Variants in HS6ST3 observed in about 807,000 individuals in gnomAD.
HS6ST3 encodes heparan-sulfate 6-O-sulfotransferase 3.
Under a neutral mutation model 36.7 loss-of-function variants are expected in HS6ST3, and 12 were observed. The ratio of observed to expected loss-of-function variants is 0.33; its 90% CI spans 0.21 to 0.53. The LOEUF (loss-of-function observed/expected upper bound fraction) is 0.53, where lower values mean the gene tolerates loss of function less well. HS6ST3 is among the 20% of genes least tolerant of loss of function. The probability of loss-of-function intolerance (pLI) is 0.95; values close to 1 mark genes in which losing one functional copy is unlikely to be tolerated. For synonymous variants in HS6ST3, 240 were observed against 257.5 expected (o/e 0.93, Z 0.65); for missense variants, 584 against 640.9 (o/e 0.91, Z 0.96).
At chr13:96,765,588 TTCTC>T (rs58979172) in intron 1 of HS6ST3, among the ~76,000 whole-genome samples, 7,553 of 142,568 alleles carry the variant, frequency 0.053, 282 homozygotes, top group Admixed American at 0.094. Flanking sequence ...CTCTCTCTCT[TTCTC>T]TCTCTCTCTC....
At chr13:96,686,749 C>T (rs1027979924) in intron 1 of HS6ST3, among the ~76,000 whole-genome samples, 5 of 151,960 alleles carry the variant, frequency 3.3e-5, no homozygotes, top group African/African-American at 7.2e-5. Flanking sequence ...GTAACATTCT[C>T]GCTGTGGGGC....
At chr13:96,303,938 T>G (rs2054895920) in intron 1 of HS6ST3, among the ~76,000 whole-genome samples, 1 of 151,878 alleles carries the variant, frequency 6.6e-6, no homozygotes, top group African/African-American at 2.4e-5. Flanking sequence ...AGGTCAGGAG[T>G]TCGAGACCAG....
chr13:96,095,063 A>G (rs1304521378), intron 1 of HS6ST3, among the ~76,000 whole-genome samples: 1 of 152,158 alleles, frequency 6.6e-6, no homozygotes, highest in Non-Finnish European at 1.5e-5. Context: ...CTAGTCCCAC[A>G]TTTTTCATGG....
chr13:96,680,509 G>A (rs2056714812), intron 1 of HS6ST3, among the ~76,000 whole-genome samples: 1 of 152,066 alleles, frequency 6.6e-6, no homozygotes, highest in South Asian at 2.1e-4. Flanking sequence ...TCCAATCGGG[G>A]GTTAGAGGGA....
rs1386384932 is a variant in HS6ST3, at chr13:96,118,669, T to C, written c.707+27100T>C. On this transcript the variant is annotated intron_variant, in intron 1 of 1. Coordinates refer to ENST00000376705, the MANE Select transcript of HS6ST3 (RefSeq NM_153456.4). ...AGATATATATATATATATATATATA[T>C]ATATATATATATATATATATTTTTT... Among the ~76,000 whole-genome samples the C allele has an allele frequency of 3.9e-4, 6 of 15,468 alleles. 1 individual carries two copies. The highest frequency in any genetic ancestry group is 1.6e-3 in the African/African-American group (6 of 3,776). The allele number at this position is 15,468 out of a possible 152,430, so 10.1% of individuals were successfully genotyped here.
chr13:96,750,269 G>C (rs1419345992), intron 1 of HS6ST3, among the ~76,000 whole-genome samples: 1 of 152,168 alleles, frequency 6.6e-6, no homozygotes, highest in Non-Finnish European at 1.5e-5. Flanking sequence ...CTTTGGATAG[G>C]CTGCTTAGGT....
At chr13:96,362,847 T>G (rs2055245044) in intron 1 of HS6ST3, among the ~76,000 whole-genome samples, 1 of 152,176 alleles carries the variant, frequency 6.6e-6, no homozygotes, top group South Asian at 2.1e-4. Context: ...TGCAACAAAT[T>G]TGATGAATTT....
intron 1 of HS6ST3, among the ~76,000 whole-genome samples, chr13:96,673,588 C>G (rs1467496020): frequency 6.6e-6 from 1 of 151,922 alleles, no homozygotes; most frequent in Admixed American, 6.6e-5. Flanking sequence ...TATATTTTCC[C>G]TGTTCTCTTT....
At chr13:96,615,419 G>A (rs1374209354) in intron 1 of HS6ST3, among the ~76,000 whole-genome samples, 1 of 152,210 alleles carries the variant, frequency 6.6e-6, no homozygotes, top group Admixed American at 6.5e-5. Flanking sequence ...CACCATGCAA[G>A]ATTGTTGATC....
chr13:96,773,053 G>A (rs948689269), intron 1 of HS6ST3, among the ~76,000 whole-genome samples: 63 of 152,290 alleles, frequency 4.1e-4, no homozygotes, highest in Non-Finnish European at 4.4e-5. Flanking sequence ...CACCCAGGAA[G>A]TGCAAGAGGT....
At chr13:96,289,845 G>A (rs1398151995) in intron 1 of HS6ST3, among the ~76,000 whole-genome samples, 2 of 147,804 alleles carry the variant, frequency 1.4e-5, no homozygotes, top group Non-Finnish European at 3.1e-5. Flanking sequence ...AGCTTTATCT[G>A]TGAGGTGCAA....
At chr13:96,436,959 G>A (rs1339987476) in intron 1 of HS6ST3, among the ~76,000 whole-genome samples, 1 of 118,104 alleles carries the variant, frequency 8.5e-6, no homozygotes, top group Non-Finnish European at 1.7e-5. Context: ...GCAGAAAAAG[G>A]GCCTCCATTT....
At chr13:96,351,966 A>G (rs1490208467) in intron 1 of HS6ST3, among the ~76,000 whole-genome samples, 1 of 152,210 alleles carries the variant, frequency 6.6e-6, no homozygotes, top group Admixed American at 6.5e-5. Context: ...TAGAACAGCA[A>G]CACAAATAAT....
intron 1 of HS6ST3, among the ~76,000 whole-genome samples, chr13:96,781,088 A>G (rs1877514400): frequency 6.6e-6 from 1 of 152,216 alleles, no homozygotes; most frequent in African/African-American, 2.4e-5. Context: ...TCTAACTATG[A>G]AGACGCTCAT....
chr13:96,462,444 T>C (rs2055789404), intron 1 of HS6ST3, among the ~76,000 whole-genome samples: 2 of 152,242 alleles, frequency 1.3e-5, no homozygotes, highest in African/African-American at 2.4e-5. Context: ...GAATAATTTG[T>C]GGCGAACTAG....
chr13:96,484,078 C>T (rs1032970822), intron 1 of HS6ST3, among the ~76,000 whole-genome samples: 1 of 152,030 alleles, frequency 6.6e-6, no homozygotes, highest in Non-Finnish European at 1.5e-5. Context: ...TATTTCTGAG[C>T]TCTACATTCC....
At chr13:96,413,467 T>A (rs1039475139) in intron 1 of HS6ST3, among the ~76,000 whole-genome samples, 2 of 152,124 alleles carry the variant, frequency 1.3e-5, no homozygotes, top group African/African-American at 4.8e-5. Context: ...GTAGAAGAAA[T>A]AGAAAACTAA....
chr13:96,188,507 A>G (rs1011577405), intron 1 of HS6ST3, among the ~76,000 whole-genome samples: 1 of 152,188 alleles, frequency 6.6e-6, no homozygotes, highest in African/African-American at 2.4e-5. Context: ...AGTAAGTAAA[A>G]TCTTGATCAA....
chr13:96,229,060 C>T (rs527795566), intron 1 of HS6ST3, among the ~76,000 whole-genome samples: 33 of 152,208 alleles, frequency 2.2e-4, no homozygotes, highest in Admixed American at 1.7e-3. Context: ...ATAAGGGAGC[C>T]AAAATGTCCC....
Sources: gnomAD v4.1 joint callset for allele counts (sites outside exome capture counted in the v4.1 genomes callset) on GRCh38, gnomAD v4.1.1 for gene constraint, MANE v1.5 for transcripts, NCBI Gene and HGNC (gene_info 2026-07-23, HGNC 2026-07-21) for gene names.